The following SIK3 variants were observed in gnomAD, a reference collection of about 807,000 sequenced individuals.
SIK3 encodes the protein SIK family kinase 3.
In SIK3, 28 loss-of-function variants were observed where a neutral mutation model predicts 144.2. The ratio of observed to expected loss-of-function variants is 0.19; its 90% CI spans 0.14 to 0.27. The LOEUF is 0.27. Ranked by LOEUF, SIK3 falls within the 10% of genes least tolerant of loss-of-function variation. The pLI is 1.00. For missense variants in SIK3, 1,319 were observed against 1,776.0 expected (o/e 0.74, Z 4.62); for synonymous variants, 686 against 676.3 (o/e 1.01, Z -0.22).
intron 1 of SIK3, among the ~76,000 whole-genome samples, chr11:117,097,662 A>G (rs1304988511): frequency 6.6e-6 from 1 of 151,910 alleles, no homozygotes; most frequent in Non-Finnish European, 1.5e-5. Context: ...GCACATTCCC[A>G]GTCCGTGCCC....
At chr11:116,848,519 C>A (rs188342370) in intron 22 of SIK3, among the ~76,000 whole-genome samples, 63 of 152,336 alleles carry the variant, frequency 4.1e-4, no homozygotes, top group African/African-American at 1.3e-3. Flanking sequence ...CTCCCCTGAT[C>A]TGAGTAAGCT....
At chr11:116,917,687 C>T (rs774605145) in intron 4 of SIK3, among the ~76,000 whole-genome samples, 2 of 146,072 alleles carry the variant, frequency 1.4e-5, no homozygotes, top group African/African-American at 2.6e-5. Flanking sequence ...CCAGTCTGAG[C>T]GACAGGAAGG....
At chr11:116,988,424 A>G (rs1334879686) in intron 1 of SIK3, among the ~76,000 whole-genome samples, 1 of 152,044 alleles carries the variant, frequency 6.6e-6, no homozygotes, top group African/African-American at 2.4e-5. Context: ...TAACTTTCTA[A>G]TGATAATTTT....
At chr11:116,903,333 T>C (rs1945836361) in intron 4 of SIK3, among the ~76,000 whole-genome samples, 1 of 152,224 alleles carries the variant, frequency 6.6e-6, no homozygotes, top group Non-Finnish European at 1.5e-5. Flanking sequence ...GTTGATAGTT[T>C]AGTGATGTAC....
At chr11:116,862,105 C>G in intron 17 of SIK3, 97 bp downstream of exon 17, 2 of 1,553,656 alleles carry the variant, frequency 1.3e-6, no homozygotes, top group Non-Finnish European at 1.8e-6. Context: ...GACCTCAAAT[C>G]CACTTTGCAC....
In SIK3 at chr11:116,858,699, G is replaced by C; in HGVS notation, c.2766C>G (p.Ser922Arg). The C allele has an allele frequency of 6.5e-7, 1 of 1,530,644 alleles. No individual in the cohort carries two copies. The highest frequency in any genetic ancestry group is 8.8e-7 in the Non-Finnish European group (1 of 1,138,510). The allele number at this position is 1,530,644 out of a possible 1,614,324, so 94.8% of individuals were successfully genotyped here. A position where few individuals can be genotyped will look rare whatever the true frequency, so the allele number is the denominator to read the frequency against. The change falls in exon 21 of 25, where the codon AGC becomes AGG. Residue 922 changes from serine (S) to arginine (R), a missense_variant and splice_region_variant. Around this residue, in one of 8 missense-constraint regions of SIK3, gnomAD observed 646 missense variants for 763.7 expected, o/e 0.85. Transcript: ENST00000445177. The surrounding 1 kb of genome is among the most constrained non-coding windows in gnomAD (Gnocchi z 5.4). The stretch of plus-strand genomic sequence containing the variant: ...CAGGGGAGAACCGATTCACGTTCAA[G>C]CTGCAGACACAAAAGGGAGTACCAG... ...QLSADSAEAH[S>R]LNVNRFSPAN... is the part of the protein sequence containing the mutation.
intron 1 of SIK3, among the ~76,000 whole-genome samples, chr11:117,065,893 G>C (rs1481787134): frequency 6.6e-6 from 1 of 151,818 alleles, no homozygotes; most frequent in Admixed American, 6.6e-5. Flanking sequence ...GTCTCCCAAA[G>C]TGCTGCACAA....
chr11:117,008,426 T>C (rs562374944), intron 1 of SIK3, among the ~76,000 whole-genome samples: 1 of 152,198 alleles, frequency 6.6e-6, no homozygotes, highest in African/African-American at 2.4e-5. Context: ...CTCTTTCTAT[T>C]ATAACCTTGC....
At chr11:117,080,746 G>A (rs1350936907) in intron 1 of SIK3, among the ~76,000 whole-genome samples, 7 of 152,164 alleles carry the variant, frequency 4.6e-5, no homozygotes, top group South Asian at 2.1e-4. Flanking sequence ...CCAGGAGTTC[G>A]TGACCAGCCA....
chr11:116,873,729 C>T, intron 12 of SIK3, 93 bp from the exon 13 acceptor site: 1 of 1,486,324 alleles, frequency 6.7e-7, no homozygotes, highest in South Asian at 1.4e-5. Flanking sequence ...TTAAGGGAGC[C>T]ATGGGTCATG....
In SIK3 at chr11:116,844,642, A is replaced by ATATATATTATATATATAATATATATAT. The variant is rs1565345727; in HGVS notation, c.*1000_*1001insATATATATATTATATATATAATATATA. ...TAATATATATATAATATATTATATT[A>ATATATATTATATATATAATATATATAT]TATATTATATATATAATATATATAT... On this transcript the variant is annotated 3_prime_UTR_variant, in exon 25 of 25. Coordinates refer to ENST00000445177, the MANE Select transcript of SIK3 (RefSeq NM_001366686.3). The ATATATATTATATATATAATATATATAT allele has an allele frequency of 1.3e-5, 1 of 79,496 alleles. No homozygotes were observed. Among genetic ancestry groups the ATATATATTATATATATAATATATATAT allele is most frequent in the Non-Finnish European group, 2.0e-5 (1 of 50,154 alleles). 4.9% of individuals were successfully genotyped at this position (79,496 alleles called of 1,614,324 possible).
Position 116,858,515 on chromosome 11 carries a change from G to A in SIK3, c.2950C>T (p.His984Tyr). The stretch of plus-strand genomic sequence containing the variant: ...GTGGTATAGTGTGGCGGCTGCTGAT[G>A]TGCACTGGGAGGGAAGGTGGGGAAT... ...DQFPTFPPSA[H>Y]QQPPHYTTSA... The change falls in exon 21 of 25, where the codon CAT (histidine) becomes TAT (tyrosine). Residue 984 changes from histidine to tyrosine, a missense_variant. His to Tyr is a moderately conservative substitution (Grantham distance 83). This residue lies in a region of SIK3 where 646 missense variants were observed against 763.7 expected (regional missense o/e 0.85). Transcript: ENST00000445177. This position sits in a 1 kb window ranked among gnomAD's most constrained non-coding sequence, Gnocchi z 5.4. 6.2e-7 allele frequency: 1 copy of A among 1,612,606 alleles called. No homozygotes were observed. The highest frequency in any genetic ancestry group is 8.5e-7 in the Non-Finnish European group (1 of 1,179,278).
intron 1 of SIK3, among the ~76,000 whole-genome samples, chr11:117,026,334 T>C (rs1952008453): frequency 1.3e-5 from 2 of 152,168 alleles, no homozygotes; most frequent in South Asian, 2.1e-4. Context: ...TACACTCTTA[T>C]GATGTTCCCA....
At chr11:117,013,060 A>T (rs61905705) in intron 1 of SIK3, among the ~76,000 whole-genome samples, 24,168 of 151,938 alleles carry the variant, frequency 0.16, 2,015 homozygotes, top group Admixed American at 0.21. Flanking sequence ...AACCTACAGA[A>T]GAGCCCTTAA....
At chr11:116,952,878 T>C (rs1490894383) in intron 3 of SIK3, among the ~76,000 whole-genome samples, 1 of 152,226 alleles carries the variant, frequency 6.6e-6, no homozygotes, top group African/African-American at 2.4e-5. Context: ...CCTTCAAATC[T>C]TGTAATGCTT....
chr11:117,042,052 C>T (rs76126222), intron 1 of SIK3, among the ~76,000 whole-genome samples: 6,882 of 152,162 alleles, frequency 0.045, 519 homozygotes, highest in African/African-American at 0.16. Context: ...CAGCTCCCTG[C>T]TCAAATTATT....
In SIK3 at chr11:117,097,040, T is replaced by C. The variant is rs149312431; in HGVS notation, c.273+1103A>G. Among the ~76,000 whole-genome samples, 1,128 of 152,294 alleles carry C rather than the reference T, an allele frequency of 7.4e-3. 13 individuals are homozygous for C. The highest frequency in any genetic ancestry group is 0.026 in the African/African-American group (1,068 of 41,562). On this transcript the variant is annotated intron_variant, in intron 1 of 24. Transcript: ENST00000445177. ...GTAAGATATTGAGCAAAGAAAATTT[T>C]AGAGTAAAAATGGGCTTTGCGGGTT... is the stretch of plus-strand genomic sequence containing the variant.
intron 4 of SIK3, among the ~76,000 whole-genome samples, chr11:116,899,916 C>T (rs899281042): frequency 4.6e-5 from 7 of 152,152 alleles, no homozygotes; most frequent in Non-Finnish European, 1.0e-4. Context: ...GACAACTCTC[C>T]TTTTGCTATT....
chr11:116,891,848 T>C (rs1945134452), intron 6 of SIK3, among the ~76,000 whole-genome samples: 1 of 152,256 alleles, frequency 6.6e-6, no homozygotes, highest in Non-Finnish European at 1.5e-5. Context: ...GGGAAGATGA[T>C]AGTATGGTCT....
Sources: gnomAD v4.1 joint callset for allele counts (sites outside exome capture counted in the v4.1 genomes callset) on GRCh38, gnomAD v4.1.1 for gene constraint, gnomAD v4.1.1 regional missense constraint, Gnocchi (gnomAD v3.1) non-coding constraint, MANE v1.5 for transcripts, NCBI Gene and HGNC (gene_info 2026-07-23, HGNC 2026-07-21) for gene names.